Variants in JAK1 observed in about 807,000 individuals in gnomAD.
The protein encoded by JAK1 is Janus kinase 1.
A neutral mutation model predicts 136.6 loss-of-function variants in JAK1; 16 were observed. The ratio of observed to expected loss-of-function variants is 0.12; its 90% CI spans 0.08 to 0.18. The LOEUF (loss-of-function observed/expected upper bound fraction) is 0.18, where lower values mean the gene tolerates loss of function less well. Ranked by LOEUF, JAK1 falls within the 10% of genes least tolerant of loss-of-function variation. The pLI is 1.00. For synonymous variants in JAK1, 492 were observed against 519.5 expected (o/e 0.95, Z 0.72); for missense variants, 859 against 1,450.1 (o/e 0.59, Z 6.62).
intron 15 of JAK1, among the ~76,000 whole-genome samples, chr1:64,845,301 CA>C (rs1655156672): frequency 6.6e-6 from 1 of 152,172 alleles, no homozygotes; most frequent in South Asian, 2.1e-4. Context: ...TAACATTTCC[CA>C]CTAAACAGAA....
chr1:65,024,660 C>CAAAAAAAAAAAA (rs11349903), intron 2 of JAK1, among the ~76,000 whole-genome samples: 11 of 69,856 alleles, frequency 1.6e-4, no homozygotes, highest in African/African-American at 3.4e-4. Context: ...TGGTCCAAAG[C>CAAAAAAAAAAAA]AAAAAAAAAA....
intron 1 of JAK1, among the ~76,000 whole-genome samples, chr1:64,892,432 T>C (rs1436379264): frequency 6.6e-6 from 1 of 152,126 alleles, no homozygotes. Flanking sequence ...AGGTGCACAC[T>C]ACCACATTCA....
intron 1 of JAK1, among the ~76,000 whole-genome samples, chr1:64,898,831 C>T (rs890323244): frequency 8.5e-5 from 13 of 152,314 alleles, no homozygotes; most frequent in Non-Finnish European, 1.8e-4. Context: ...CAAAACTGTG[C>T]TTGTTCAGTG....
upstream of JAK1, among the ~76,000 whole-genome samples, chr1:64,971,213 T>C (rs1367905506): frequency 6.6e-6 from 1 of 152,242 alleles, no homozygotes; most frequent in Non-Finnish European, 1.5e-5. Context: ...TTCTTCCCAT[T>C]ATCTTTTTCC....
At chr1:65,014,868 G>A (rs902480955) in intron 2 of JAK1, among the ~76,000 whole-genome samples, 1 of 151,924 alleles carries the variant, frequency 6.6e-6, no homozygotes, top group Non-Finnish European at 1.5e-5. Context: ...TGTACTTTTA[G>A]TAGAGACAGG....
chr1:65,002,858 C>G (rs1010074004), intron 2 of JAK1, among the ~76,000 whole-genome samples: 1 of 152,144 alleles, frequency 6.6e-6, no homozygotes, highest in Non-Finnish European at 1.5e-5. Context: ...CTGTGGCGGG[C>G]GGGCAGTCTC....
At chr1:64,911,997 T>A (rs1645293369) in intron 1 of JAK1, among the ~76,000 whole-genome samples, 1 of 152,246 alleles carries the variant, frequency 6.6e-6, no homozygotes, top group African/African-American at 2.4e-5. Context: ...CTGACCCCTA[T>A]GTCATCATCT....
chr1:64,972,277 G>A (rs753407894), intron 2 of JAK1: 6 of 152,130 alleles, frequency 3.9e-5, no homozygotes, highest in Non-Finnish European at 5.9e-5. Flanking sequence ...AAAGCTACAA[G>A]ATACATTTTT....
chr1:64,964,644 C>A (rs765626596), intron 1 of JAK1, among the ~76,000 whole-genome samples: 1 of 152,176 alleles, frequency 6.6e-6, no homozygotes, highest in East Asian at 1.9e-4. Context: ...GAGTATCACA[C>A]TGCAATCCTA....
At chr1:65,038,441 T>C (rs1163349991) in intron 2 of JAK1, among the ~76,000 whole-genome samples, 9 of 152,052 alleles carry the variant, frequency 5.9e-5, no homozygotes, top group Non-Finnish European at 2.9e-5. Context: ...TCAGGTGATC[T>C]GCCCGCCTCG....
chr1:64,942,794 T>C (rs904912576), intron 1 of JAK1, among the ~76,000 whole-genome samples: 2 of 152,142 alleles, frequency 1.3e-5, no homozygotes, highest in Admixed American at 6.5e-5. Context: ...AGGTGGGAAG[T>C]AGAACGAGGG....
intron 2 of JAK1, among the ~76,000 whole-genome samples, chr1:64,983,005 G>A (rs1006545374): frequency 5.3e-5 from 8 of 152,116 alleles, no homozygotes; most frequent in South Asian, 4.1e-4. Flanking sequence ...TTTATTCGAC[G>A]CCTCAACAAC....
chr1:64,990,582 A>G (rs1646645876), intron 2 of JAK1: 1 of 152,164 alleles, frequency 6.6e-6, no homozygotes, highest in African/African-American at 2.4e-5. Flanking sequence ...ACAACAAAAA[A>G]AATCACAAGA....
intron 1 of JAK1, among the ~76,000 whole-genome samples, chr1:64,941,465 T>C (rs1645888362): frequency 6.6e-6 from 1 of 152,180 alleles, no homozygotes; most frequent in East Asian, 1.9e-4. Context: ...AAAACAAAGA[T>C]GATTTATCTT....
At chr1:64,851,228 A>G (rs1165525240) in intron 11 of JAK1, among the ~76,000 whole-genome samples, 1 of 152,224 alleles carries the variant, frequency 6.6e-6, no homozygotes, top group African/African-American at 2.4e-5. Context: ...CAGTTTCCCT[A>G]ATGAAATTAA....
intron 1 of JAK1, among the ~76,000 whole-genome samples, chr1:65,065,756 G>A (rs1371785448): frequency 6.6e-6 from 1 of 150,740 alleles, no homozygotes; most frequent in Non-Finnish European, 1.5e-5. Context: ...GAGACAGGCT[G>A]CTTAGGCCTG....
At chr1:64,946,708 A>G (rs1645994087) in intron 1 of JAK1, among the ~76,000 whole-genome samples, 2 of 152,196 alleles carry the variant, frequency 1.3e-5, no homozygotes, top group African/African-American at 4.8e-5. Context: ...TTATCCAAAA[A>G]AGTGGCAGTT....
chr1:64,946,096 A>C (rs978410077), intron 1 of JAK1, among the ~76,000 whole-genome samples: 11 of 152,186 alleles, frequency 7.2e-5, no homozygotes, highest in African/African-American at 2.7e-4. Context: ...TATCAATAAC[A>C]ATAATAAAAA....
At chr1:65,036,992 C>G (rs1040089551) in intron 2 of JAK1, among the ~76,000 whole-genome samples, 1 of 152,144 alleles carries the variant, frequency 6.6e-6, no homozygotes, top group Non-Finnish European at 1.5e-5. Context: ...TTCAAGACAG[C>G]CTGGTTAACA....
Sources: gnomAD v4.1 joint callset for allele counts (sites outside exome capture counted in the v4.1 genomes callset) on GRCh38, gnomAD v4.1.1 for gene constraint, MANE v1.5 for transcripts, NCBI Gene and HGNC (gene_info 2026-07-23, HGNC 2026-07-21) for gene names.